MYH3: variants seen among roughly 807,000 people sequenced by gnomAD.
The protein encoded by MYH3 is myosin-3.
MYH3 carries 130 observed loss-of-function variants against 238.0 expected under a neutral mutation model. The observed-to-expected ratio is 0.55, with a 90% CI of 0.47 to 0.63. MYH3 has a LOEUF of 0.63. MYH3 is among the 30% of genes least tolerant of loss of function. The pLI, the probability that MYH3 is intolerant of heterozygous loss-of-function variation, is 0.00. For missense variants in MYH3, 1,853 were observed against 2,374.9 expected (o/e 0.78, Z 4.57); for synonymous variants, 880 against 924.1 (o/e 0.95, Z 0.86).
the MYH3 span, among the ~76,000 whole-genome samples, chr17:10,664,667 C>T: frequency 3.9e-5 from 6 of 152,094 alleles, no homozygotes; most frequent in African/African-American, 1.2e-4. Context: ...AGGTCCAAGA[C>T]ACTCAGCTGG....
chr17:10,661,187 G>A (rs2074478015), upstream of MYH3, among the ~76,000 whole-genome samples: 1 of 149,984 alleles, frequency 6.7e-6, no homozygotes, highest in African/African-American at 2.5e-5. Flanking sequence ...ATGTTAGTCA[G>A]GCTGGTCTTG....
At position 10,645,786 on chromosome 17, in the gene MYH3, C is replaced by T. The variant is rs746744341; in HGVS notation, c.1062G>A (p.Thr354=). The change falls in exon 12 of 41, where the codon ACG becomes ACA. Residue 354 remains threonine (T), a synonymous_variant. Coordinates refer to ENST00000583535, the MANE Select transcript of MYH3 (RefSeq NM_002470.4). ...TGTTCCCGTAGTGCATCACGGCTCC[C>T]GTCAGCTTGTAGAGCCCAGATTTCT... ...PEEKSGLYKL[T]GAVMHYGNMK... is the part of the protein sequence containing the mutation. 1.9e-5 allele frequency: 30 copies of T among 1,613,780 alleles called. No individual in the cohort carries two copies. Among genetic ancestry groups the T allele is most frequent in the African/African-American group, 4.0e-5 (3 of 74,858 alleles).
chr17:10,645,922 C>T lies in MYH3; in HGVS notation c.1002+7G>A, dbSNP rs1206972060. ...GAACACCCACCCCTTCTGTTGGTTCCACTTACGTCTGTAGCCAGCAGCTCC... is the reference window on the plus strand; with the variant it reads ...GAACACCCACCCCTTCTGTTGGTTCTACTTACGTCTGTAGCCAGCAGCTCC... On this transcript the variant is annotated splice_region_variant and intron_variant, in intron 11 of 40. Coordinates refer to ENST00000583535, the MANE Select transcript of MYH3 (RefSeq NM_002470.4). The T allele has an allele frequency of 3.7e-6, 6 of 1,613,946 alleles. No individual in the cohort carries two copies. The highest frequency in any genetic ancestry group is 5.1e-6 in the Non-Finnish European group (6 of 1,179,884).
Position 10,641,352 on chromosome 17 carries a change from C to T in MYH3, c.1980G>A (p.Met660Ile), listed in dbSNP as rs2074269333. 6.2e-7 allele frequency: 1 copy of T among 1,609,042 alleles called. No individual in the cohort carries two copies. Among genetic ancestry groups the T allele is most frequent in the African/African-American group, 1.3e-5 (1 of 74,186 alleles). ...ALFRENLNKL[M>I]SNLRTTHPHF... Reference sequence around the variant, plus strand: ...GAGGGTGAGTAGTTCTTAAATTTGACATCAGCTTGTTCAGGTTTTCCTAAG... The same window carrying T: ...GAGGGTGAGTAGTTCTTAAATTTGATATCAGCTTGTTCAGGTTTTCCTAAG... Residue 660 changes from methionine to isoleucine, a missense_variant, in exon 18 of 41, where the codon ATG (methionine) becomes ATA (isoleucine). Transcript: ENST00000583535.
intron 17 of MYH3, 149 bp from the exon 18 acceptor site, chr17:10,641,521 T>C: frequency 1.5e-6 from 1 of 676,374 alleles, no homozygotes; most frequent in Non-Finnish European, 2.4e-6. Flanking sequence ...TTTTTTTTTT[T>C]TTTTTTTTTT....
the MYH3 span, among the ~76,000 whole-genome samples, chr17:10,666,702 CA>C: frequency 3.2e-3 from 488 of 152,082 alleles, 3 homozygotes; most frequent in African/African-American, 0.011. Context: ...GCCAAGGCTA[CA>C]GTGAGCTACA....
chr17:10,678,164 T>A, the MYH3 span: 1 of 152,130 alleles, frequency 6.6e-6, no homozygotes, highest in Admixed American at 6.6e-5. Context: ...TTCCCAAGAT[T>A]TGCAGCTGAA....
Position 10,635,762 on chromosome 17 carries a change from G to C in MYH3, c.3948C>G (p.Leu1316=), listed in dbSNP as rs1194737975. The C allele has an allele frequency of 1.2e-6, 2 of 1,613,946 alleles. No homozygotes were observed. Among genetic ancestry groups the C allele is most frequent in the Admixed American group, 3.3e-5 (2 of 59,988 alleles). ...TGTTCTCTTCCTCCAGCTGCCTCTT[G>C]AGCTCTTCTGTTTGCTGGGTAAAGG... ...KQAFTQQTEE[L]KRQLEEENKA... is the part of the protein sequence containing the mutation. Residue 1316 remains leucine (L), a synonymous_variant, in exon 29 of 41, where the codon CTC becomes CTG. Coordinates refer to ENST00000583535, the MANE Select transcript of MYH3 (RefSeq NM_002470.4).
rs2074205483 is a variant in MYH3, at chr17:10,635,478, C to T, written c.4061G>A (p.Gly1354Asp). 1.2e-6 allele frequency: 2 copies of T among 1,614,086 alleles called. No homozygotes were observed. Among genetic ancestry groups the T allele is most frequent in the Admixed American group, 1.7e-5 (1 of 60,002 alleles). Reference sequence around the variant, plus strand: ...CAGCGCCCTCTGCAGCTCAGCTTTGCCTTCCTGCTCCTCCTCATACTGTTC... The same window carrying T: ...CAGCGCCCTCTGCAGCTCAGCTTTGTCTTCCTGCTCCTCCTCATACTGTTC... The part of the protein sequence containing the change: ...LREQYEEEQE[G>D]KAELQRALSK... The change falls in exon 30 of 41, where the codon GGC becomes GAC. Residue 1354 changes from glycine (G) to aspartate (D), a missense_variant. Physicochemically the swap from Gly to Asp is moderately conservative, Grantham distance 94. Transcript: ENST00000583535.
chr17:10,640,210 A>G lies in MYH3; in HGVS notation c.2468T>C (p.Met823Thr). The G allele has an allele frequency of 6.2e-7, 1 of 1,614,236 alleles. No homozygotes were observed. The highest frequency in any genetic ancestry group is 8.5e-7 in the Non-Finnish European group (1 of 1,180,054). Reference sequence around the variant, plus strand: ...CATCCAGGGCCAGTGCTTGACGTTCATGAATGAGCGAATGTTGTACTGGAT... The same window carrying G: ...CATCCAGGGCCAGTGCTTGACGTTCGTGAATGAGCGAATGTTGTACTGGAT... ...FCIQYNIRSF[M>T]NVKHWPWMKL... Residue 823 changes from methionine (M) to threonine (T), a missense_variant, in exon 22 of 41, where the codon ATG (methionine) becomes ACG (threonine). Coordinates refer to ENST00000583535, the MANE Select transcript of MYH3 (RefSeq NM_002470.4).
rs149663184 is a variant in MYH3 at position 10,637,514 on chromosome 17, C to T, written c.3856+295G>A. Among the ~76,000 whole-genome samples, 634 of 152,306 alleles carry T rather than the reference C, an allele frequency of 4.2e-3. 5 individuals are homozygous for T. Among genetic ancestry groups the T allele is most frequent in the African/African-American group, 0.015 (614 of 41,566 alleles). On this transcript the variant is annotated intron_variant, in intron 28 of 40. Coordinates refer to ENST00000583535, the MANE Select transcript of MYH3 (RefSeq NM_002470.4). ...TAGTCTCATTTCTGCCCATCAGAGT[C>T]TGTCTGATGCAAGTTTATATTAATT...
Position 10,642,527 on chromosome 17 carries a change from C to T in MYH3, c.1778G>A (p.Gly593Asp). The T allele has an allele frequency of 1.2e-6, 2 of 1,614,210 alleles. 1 individual carries two copies. Among genetic ancestry groups the T allele is most frequent in the South Asian group, 2.2e-5 (2 of 91,086 alleles). The change falls in exon 16 of 41, where the codon GGT becomes GAT. Residue 593 changes from glycine (G) to aspartate (D), a missense_variant. Gly to Asp is a moderately conservative substitution (Grantham distance 94). Coordinates refer to ENST00000583535, the MANE Select transcript of MYH3 (RefSeq NM_002470.4). This position sits in a 1 kb window ranked among gnomAD's most constrained non-coding sequence, Gnocchi z 5.4. ...AGGGTCCTTGTTCTTCTCCAGCCAA[C>T]CTGAGACACTGTAGTCCACGGTGCC... ...YAGTVDYSVSGWLEKNKDPLN... is the reference protein window; with the variant it reads ...YAGTVDYSVSDWLEKNKDPLN...
rs774062636 is a variant in MYH3 at position 10,650,425 on chromosome 17, G to A, written c.506-24C>T. The A allele has an allele frequency of 3.1e-6, 5 of 1,606,850 alleles. No homozygotes were observed. The Admixed American group carries it at 8.3e-5, about 27-fold the overall frequency. On this transcript the variant is annotated intron_variant, in intron 5 of 40. Transcript: ENST00000583535. ...ATCTGCCAGAGGAAAAAATAAAATA[G>A]AGTTGATGGCAATAGAAAAAGAGCT...
chr17:10,628,705 T>G, intron 40 of MYH3, 26 bp from the exon 41 acceptor site: 4 of 1,613,974 alleles, frequency 2.5e-6, no homozygotes, highest in Non-Finnish European at 3.4e-6. Context: ...GCACCTGGAG[T>G]CAAGTCGGGT....
chr17:10,664,435 CCTAA>C, the MYH3 span, among the ~76,000 whole-genome samples: 3 of 152,066 alleles, frequency 2.0e-5, no homozygotes, highest in African/African-American at 7.2e-5. Flanking sequence ...GAACCACCTC[CCTAA>C]CTATTAATAC....
At chr17:10,644,524 T>G in intron 13 of MYH3, 24 bp from the exon 14 acceptor site, 1 of 1,614,094 alleles carries the variant, frequency 6.2e-7, no homozygotes. Context: ...GATCAGCTAC[T>G]GGATATGAAG....
At position 10,639,680 on chromosome 17, in the gene MYH3, A is replaced by G. The variant is rs1404364345; in HGVS notation, c.2805T>C (p.Ala935=). The G allele has an allele frequency of 3.1e-6, 5 of 1,614,074 alleles. No individual in the cohort carries two copies. Among genetic ancestry groups the G allele is most frequent in the Non-Finnish European group, 4.2e-6 (5 of 1,180,036 alleles). The part of the protein sequence containing the change: ...ERAEDEEEIN[A]ELTAKKRKLE... ...GTTTCCTCTTCTTGGCCGTCAGCTC[A>G]GCATTGATCTCCTCCTCATCTTCAG... Residue 935 remains alanine (A), a synonymous_variant, in exon 23 of 41, where the codon GCT becomes GCC. Transcript: ENST00000583535.
At chr17:10,631,198 G>A (rs551719003) in intron 36 of MYH3, among the ~76,000 whole-genome samples, 1 of 152,300 alleles carries the variant, frequency 6.6e-6, no homozygotes, top group East Asian at 1.9e-4. Context: ...GGCTGTACAG[G>A]AACAACAAAA....
chr17:10,631,945 C>A lies in MYH3; in HGVS notation c.5028G>T (p.Glu1676Asp), dbSNP rs1176318341. Residue 1676 changes from glutamate to aspartate, a missense_variant, in exon 35 of 41, where the codon GAG (glutamate) becomes GAT (aspartate). By Grantham distance (45) the Glu-to-Asp change is conservative (BLOSUM62 2). This residue lies in a region of MYH3 where 1,044 missense variants were observed against 1,192.6 expected (regional missense o/e 0.88). Transcript: ENST00000583535. The stretch of plus-strand genomic sequence containing the variant: ...CGGCCTGCAGCAGGTTGGCTCTGCG[C>A]TCCACAATCGCCAGCTGCTCCTTCA... ...EDLKEQLAIV[E>D]RRANLLQAEV... 3.7e-6 allele frequency: 6 copies of A among 1,614,116 alleles called. No homozygotes were observed. In the Admixed American group the frequency reaches 8.3e-5, roughly 22 times the overall value.
Sources: allele counts gnomAD v4.1 joint callset (sites outside exome capture counted in the v4.1 genomes callset), GRCh38; gene constraint gnomAD v4.1.1; regional missense constraint gnomAD v4.1.1; non-coding constraint Gnocchi (gnomAD v3.1); transcripts MANE v1.5; gene names NCBI Gene and HGNC (gene_info 2026-07-23, HGNC 2026-07-21).